Variants in PCDHGA12 observed in about 807,000 individuals in gnomAD.
The protein encoded by PCDHGA12 is protocadherin gamma-A12.
In PCDHGA12, 43 loss-of-function variants were observed where a neutral mutation model predicts 61.1. The ratio of observed to expected loss-of-function variants is 0.70; its 90% CI spans 0.55 to 0.91. The LOEUF (loss-of-function observed/expected upper bound fraction) is 0.91, where lower values mean the gene tolerates loss of function less well. PCDHGA12 is among the 40% of genes least tolerant of loss of function. The pLI, the probability that PCDHGA12 is intolerant of heterozygous loss-of-function variation, is 0.00. For missense variants in PCDHGA12, 1,236 were observed against 1,227.7 expected (o/e 1.01, Z -0.10); for synonymous variants, 520 against 542.9 (o/e 0.96, Z 0.59).
At chr5:141,439,934 G>T (rs1477526863) in intron 1 of PCDHGA12, 2 of 152,382 alleles carry the variant, frequency 1.3e-5, no homozygotes, top group Admixed American at 1.3e-4. Context: ...ATCCTGCTGG[G>T]CATTCTCTAT....
chr5:141,465,881 G>T (rs1000308014), intron 1 of PCDHGA12, among the ~76,000 whole-genome samples: 1 of 151,960 alleles, frequency 6.6e-6, no homozygotes, highest in African/African-American at 2.4e-5. Flanking sequence ...CCAGCACTTT[G>T]GGAGGCCGAG....
In PCDHGA12 at chr5:141,491,409, G is replaced by T; in HGVS notation, c.2425-3398G>T. The T allele has an allele frequency of 6.8e-6, 11 of 1,614,118 alleles. No individual in the cohort carries two copies. Among genetic ancestry groups the T allele is most frequent in the Non-Finnish European group, 9.3e-6 (11 of 1,180,014 alleles). On this transcript the variant is annotated intron_variant, in intron 1 of 3. Coordinates refer to ENST00000252085, the MANE Select transcript of PCDHGA12 (RefSeq NM_003735.3). The surrounding 1 kb of genome is among the most constrained non-coding windows in gnomAD (Gnocchi z 6.9). ...AGTGCCTTCAGGGAAACGCAGACGG[G>T]GACGGGGGTGGAGGGCAGTGCTGCA...
chr5:141,485,865 C>A lies in PCDHGA12; in HGVS notation c.2425-8942C>A. ...TCTGGCACCGCAGAGCTCCGGGTAT[C>A]CGTGCTGGACGTAAACGACAACGCC... On this transcript the variant is annotated intron_variant, in intron 1 of 3. Transcript: ENST00000252085. The surrounding 1 kb of genome is among the most constrained non-coding windows in gnomAD (Gnocchi z 5.7). 1 of 1,614,182 alleles carries A rather than the reference C, an allele frequency of 6.2e-7. No homozygotes were observed. The highest frequency in any genetic ancestry group is 8.5e-7 in the Non-Finnish European group (1 of 1,180,034).
chr5:141,464,310 A>T lies in PCDHGA12; in HGVS notation c.2425-30497A>T, dbSNP rs1327900308. ...AAAAAACTCCATTGTATGTGCACAT[A>T]TCATTATCTGTTCAACCCATCTATG... On this transcript the variant is annotated intron_variant, in intron 1 of 3. Coordinates refer to ENST00000252085, the MANE Select transcript of PCDHGA12 (RefSeq NM_003735.3). 2.0e-5 allele frequency among the ~76,000 whole-genome samples: 3 copies of T among 151,494 alleles called. No homozygotes were observed. The East Asian group carries it at 5.8e-4, about 29-fold the overall frequency.
rs1007318194 is a variant in PCDHGA12, at chr5:141,512,035, T to G, written c.*862T>G. On this transcript the variant is annotated 3_prime_UTR_variant, in exon 4 of 4. Coordinates refer to ENST00000252085, the MANE Select transcript of PCDHGA12 (RefSeq NM_003735.3). ...AAGTTATCAAGGCCTTGGAGGAGGC[T>G]CTGTATGTCCTCAGGGGACTGACAA... 1.3e-5 allele frequency: 2 copies of G among 152,870 alleles called. No individual in the cohort carries two copies. Among genetic ancestry groups the G allele is most frequent in the African/African-American group, 4.8e-5 (2 of 41,464 alleles). The allele number at this position is 152,870 out of a possible 1,614,324, so 9.5% of individuals were successfully genotyped here.
In PCDHGA12 at chr5:141,491,679, T is replaced by G. The variant is rs111288145; in HGVS notation, c.2425-3128T>G. 1 of 1,613,496 alleles carries G rather than the reference T, an allele frequency of 6.2e-7. No individual in the cohort carries two copies. Among genetic ancestry groups the G allele is most frequent in the Non-Finnish European group, 8.5e-7 (1 of 1,179,828 alleles). On this transcript the variant is annotated intron_variant, in intron 1 of 3. Coordinates refer to ENST00000252085, the MANE Select transcript of PCDHGA12 (RefSeq NM_003735.3). The surrounding 1 kb of genome is among the most constrained non-coding windows in gnomAD (Gnocchi z 6.9). ...CTGACGCCATCCGGTCCCGCTCTAA[T>G]ACGCTGCGGGAGCGGAGCCAGGTGA...
Position 141,476,290 on chromosome 5 carries a change from C to G in PCDHGA12, c.2425-18517C>G, listed in dbSNP as rs768208156. The stretch of plus-strand genomic sequence containing the variant: ...TGGTCGCGAACCTTGGTTTGGATCT[C>G]GGTAGCCTCTCAGCCCGCAGGTTCC... On this transcript the variant is annotated intron_variant, in intron 1 of 3. Coordinates refer to ENST00000252085, the MANE Select transcript of PCDHGA12 (RefSeq NM_003735.3). The surrounding 1 kb of genome is among the most constrained non-coding windows in gnomAD (Gnocchi z 7.6). 1 of 1,614,050 alleles carries G rather than the reference C, an allele frequency of 6.2e-7. No homozygotes were observed. The highest frequency in any genetic ancestry group is 1.7e-5 in the Admixed American group (1 of 60,012).
rs768847018 is a variant in PCDHGA12 at position 141,431,426 on chromosome 5, A to C, written c.667A>C (p.Thr223Pro). Residue 223 changes from threonine (T) to proline (P), a missense_variant, in exon 1 of 4, where the codon ACA (threonine) becomes CCA (proline). By Grantham distance (38) the Thr-to-Pro change is conservative (BLOSUM62 -1). Transcript: ENST00000252085. The surrounding 1 kb of genome is among the most constrained non-coding windows in gnomAD (Gnocchi z 4.8). ...CTCCGACGGGGGCGACCCGGTGCGCACAGGCACCGCGCGCATCCGCGTGAT... is the reference window on the plus strand; with the variant it reads ...CTCCGACGGGGGCGACCCGGTGCGCCCAGGCACCGCGCGCATCCGCGTGAT... Reference protein sequence around the residue: ...TASDGGDPVRTGTARIRVMVL... With the variant: ...TASDGGDPVRPGTARIRVMVL... 6.2e-7 allele frequency: 1 copy of C among 1,613,666 alleles called. No individual in the cohort carries two copies. The highest frequency in any genetic ancestry group is 1.1e-5 in the South Asian group (1 of 91,078).
In PCDHGA12 at chr5:141,486,936, A is replaced by G; in HGVS notation, c.2425-7871A>G. 2 of 1,614,184 alleles carry G rather than the reference A, an allele frequency of 1.2e-6. No individual in the cohort carries two copies. Among genetic ancestry groups the G allele is most frequent in the Non-Finnish European group, 1.7e-6 (2 of 1,180,030 alleles). On this transcript the variant is annotated intron_variant, in intron 1 of 3. Transcript: ENST00000252085. This position sits in a 1 kb window ranked among gnomAD's most constrained non-coding sequence, Gnocchi z 5.0. ...CTGCCTCCATCAGTTGGTGCTGGCC[A>G]CCTAATCACAAAGGTGACTGCTGTG...
At chr5:141,478,567 C>A in intron 1 of PCDHGA12, 1 of 1,593,812 alleles carries the variant, frequency 6.3e-7, no homozygotes, top group Non-Finnish European at 8.6e-7. Flanking sequence ...GCAAGTCATG[C>A]TTGACCCTGT....
chr5:141,465,171 G>T (rs969390966), intron 1 of PCDHGA12, among the ~76,000 whole-genome samples: 1 of 151,728 alleles, frequency 6.6e-6, no homozygotes, highest in Non-Finnish European at 1.5e-5. Flanking sequence ...TGTTTATGAA[G>T]AAATTTAATT....
rs745989563 is a variant in PCDHGA12, at chr5:141,490,728, T to G, written c.2425-4079T>G. The G allele has an allele frequency of 6.2e-7, 1 of 1,614,148 alleles. No individual in the cohort carries two copies. Among genetic ancestry groups the G allele is most frequent in the East Asian group, 2.2e-5 (1 of 44,882 alleles). ...GCCTCACCTACTCCATTGTAGGAAA[T>G]CAGGTTCAGGGAGCCCCAGCCTCCT... On this transcript the variant is annotated intron_variant, in intron 1 of 3. Transcript: ENST00000252085. The surrounding 1 kb of genome is among the most constrained non-coding windows in gnomAD (Gnocchi z 5.4).
In PCDHGA12 at chr5:141,476,651, T is replaced by C. The variant is rs1355056895; in HGVS notation, c.2425-18156T>C. On this transcript the variant is annotated intron_variant, in intron 1 of 3. Coordinates refer to ENST00000252085, the MANE Select transcript of PCDHGA12 (RefSeq NM_003735.3). This position sits in a 1 kb window ranked among gnomAD's most constrained non-coding sequence, Gnocchi z 7.6. ...AACCTATGAGCTGAGCCGAAATGAA[T>C]ACTTTGCGCTTCGCGTGCAGACGCG... is the stretch of plus-strand genomic sequence containing the variant. The C allele has an allele frequency of 3.7e-6, 6 of 1,614,118 alleles. No individual in the cohort carries two copies. Among genetic ancestry groups the C allele is most frequent in the Non-Finnish European group, 5.1e-6 (6 of 1,180,050 alleles).
intron 1 of PCDHGA12, among the ~76,000 whole-genome samples, chr5:141,472,402 G>T (rs569497172): frequency 6.6e-6 from 1 of 152,042 alleles, no homozygotes; most frequent in Non-Finnish European, 1.5e-5. Context: ...TTAGCCAGGC[G>T]TGGTGGCACG....
At chr5:141,475,997 G>A in intron 1 of PCDHGA12, 2 of 1,184,406 alleles carry the variant, frequency 1.7e-6, no homozygotes, top group East Asian at 2.4e-5. Flanking sequence ...CAAATCAACG[G>A]CATCCAGAAA....
Position 141,490,046 on chromosome 5 carries a change from C to A in PCDHGA12, c.2425-4761C>A, listed in dbSNP as rs2099695274. ...CTGCTCCGCCTCAATGCCACTGATC[C>A]AGACGAGGGCACCAACGGCCAACTA... On this transcript the variant is annotated intron_variant, in intron 1 of 3. Transcript: ENST00000252085. This position sits in a 1 kb window ranked among gnomAD's most constrained non-coding sequence, Gnocchi z 5.4. 1 of 1,614,094 alleles carries A rather than the reference C, an allele frequency of 6.2e-7. No individual in the cohort carries two copies.
At chr5:141,470,900 G>A (rs1454085317) in intron 1 of PCDHGA12, among the ~76,000 whole-genome samples, 4 of 151,832 alleles carry the variant, frequency 2.6e-5, no homozygotes, top group African/African-American at 9.7e-5. Context: ...GTTTTTTGTA[G>A]AGATGGGACT....
chr5:141,510,621 A>G (rs1317150967), intron 3 of PCDHGA12, among the ~76,000 whole-genome samples: 1 of 152,176 alleles, frequency 6.6e-6, no homozygotes, highest in Non-Finnish European at 1.5e-5. Flanking sequence ...CACTAAAACC[A>G]GAAGAGGTGG....
In PCDHGA12 at chr5:141,431,430, G is replaced by A; in HGVS notation, c.671G>A (p.Gly224Asp). ...GACGGGGGCGACCCGGTGCGCACAG[G>A]CACCGCGCGCATCCGCGTGATGGTT... is the stretch of plus-strand genomic sequence containing the variant. ...ASDGGDPVRTGTARIRVMVLD... is the reference protein window; with the variant it reads ...ASDGGDPVRTDTARIRVMVLD... The change falls in exon 1 of 4, where the codon GGC becomes GAC. Residue 224 changes from glycine (G) to aspartate (D), a missense_variant. Coordinates refer to ENST00000252085, the MANE Select transcript of PCDHGA12 (RefSeq NM_003735.3). The surrounding 1 kb of genome is among the most constrained non-coding windows in gnomAD (Gnocchi z 4.8). 1 of 1,613,680 alleles carries A rather than the reference G, an allele frequency of 6.2e-7. No individual in the cohort carries two copies. The highest frequency in any genetic ancestry group is 8.5e-7 in the Non-Finnish European group (1 of 1,180,018).
Sources: allele counts gnomAD v4.1 joint callset (sites outside exome capture counted in the v4.1 genomes callset), GRCh38; gene constraint gnomAD v4.1.1; non-coding constraint Gnocchi (gnomAD v3.1); transcripts MANE v1.5; gene names NCBI Gene and HGNC (gene_info 2026-07-23, HGNC 2026-07-21).